UBE3A: variants seen among roughly 807,000 people sequenced by gnomAD.
UBE3A encodes ubiquitin-protein ligase E3A.
Under a neutral mutation model 83.4 loss-of-function variants are expected in UBE3A, and 6 were observed. The observed-to-expected ratio is 0.07, with a 90% CI of 0.04 to 0.14. The LOEUF is 0.14. Among genes scored for constraint, UBE3A ranks in the 10% least tolerant of loss-of-function variants. UBE3A has a pLI of 1.00. For missense variants in UBE3A, 456 were observed against 1,036.1 expected (o/e 0.44, Z 7.69); for synonymous variants, 337 against 355.4 (o/e 0.95, Z 0.58).
At position 25,342,414 on chromosome 15, in the gene UBE3A, A is replaced by G. The variant is rs375123198; in HGVS notation, c.2355-2186T>C. 4.6e-5 allele frequency among the ~76,000 whole-genome samples: 7 copies of G among 152,198 alleles called. No individual in the cohort carries two copies. In the South Asian group the frequency reaches 6.2e-4, roughly 14 times the overall value. On this transcript the variant is annotated intron_variant, in intron 11 of 12. Coordinates refer to ENST00000648336, the MANE Select transcript of UBE3A (RefSeq NM_130839.5). Reference sequence around the variant, plus strand: ...AGCTGTTTCTTTGGACTTTTAAACGAAACCTTTAAAAATTTTATACAATGA... The same window carrying G: ...AGCTGTTTCTTTGGACTTTTAAACGGAACCTTTAAAAATTTTATACAATGA...
intron 1 of UBE3A, among the ~76,000 whole-genome samples, chr15:25,436,588 T>C (rs544888368): frequency 8.5e-5 from 13 of 152,190 alleles, no homozygotes; most frequent in African/African-American, 2.9e-4. Flanking sequence ...ATGATCGAAA[T>C]AGAAATTATC....
At chr15:25,340,032 G>T (rs539822777) in intron 12 of UBE3A, 53 bp downstream of exon 12, 2 of 1,608,338 alleles carry the variant, frequency 1.2e-6, no homozygotes, top group Non-Finnish European at 1.7e-6. Context: ...TGTATGTGAC[G>T]AGGAATGCAA....
At chr15:25,339,807 G>C in intron 12 of UBE3A, 1 of 455,872 alleles carries the variant, frequency 2.2e-6, no homozygotes, top group Admixed American at 3.4e-5. Context: ...ATGTTATATG[G>C]CTTTCAATTA....
At chr15:25,350,133 C>T (rs560480076) in intron 11 of UBE3A, among the ~76,000 whole-genome samples, 1 of 152,214 alleles carries the variant, frequency 6.6e-6, no homozygotes, top group African/African-American at 2.4e-5. Context: ...ATTAGCTGCA[C>T]ACCTGTAGTA....
intron 2 of UBE3A, chr15:25,409,456 C>A: frequency 5.1e-6 from 1 of 196,000 alleles, no homozygotes; most frequent in Non-Finnish European, 1.0e-5. Context: ...GCATTTTGGT[C>A]AATAGTACCT....
chr15:25,383,823 G>A (rs1484846508), intron 4 of UBE3A, among the ~76,000 whole-genome samples: 3 of 152,080 alleles, frequency 2.0e-5, no homozygotes, highest in Non-Finnish European at 4.4e-5. Context: ...TCAACATACT[G>A]TTAGACATCC....
intron 6 of UBE3A, among the ~76,000 whole-genome samples, chr15:25,369,804 G>C (rs2080001517): frequency 6.6e-6 from 1 of 152,100 alleles, no homozygotes; most frequent in African/African-American, 2.4e-5. Flanking sequence ...TCTTGTGGAG[G>C]AAAGAAAAGG....
intron 1 of UBE3A, among the ~76,000 whole-genome samples, chr15:25,432,642 A>G (rs1875945353): frequency 6.6e-6 from 1 of 152,202 alleles, no homozygotes; most frequent in Admixed American, 6.5e-5. Context: ...TGGTTTCTAT[A>G]ACTAAAGTCT....
intron 1 of UBE3A, among the ~76,000 whole-genome samples, chr15:25,430,444 T>A (rs1359929206): frequency 6.7e-6 from 1 of 148,656 alleles, no homozygotes; most frequent in Non-Finnish European, 1.5e-5. Context: ...AAGAGAGAGA[T>A]TAGCCCCAGT....
At chr15:25,353,174 G>A (rs561283940) in intron 11 of UBE3A, among the ~76,000 whole-genome samples, 1 of 152,178 alleles carries the variant, frequency 6.6e-6, no homozygotes, top group African/African-American at 2.4e-5. Context: ...AATCACCTTT[G>A]AAACTCAGAA....
At chr15:25,396,510 C>T (rs2085611357) in intron 4 of UBE3A, among the ~76,000 whole-genome samples, 1 of 152,144 alleles carries the variant, frequency 6.6e-6, no homozygotes, top group African/African-American at 2.4e-5. Context: ...GTAGTCCCAG[C>T]TACTCAGGAG....
At chr15:25,346,233 C>T (rs930239696) in intron 11 of UBE3A, 1 of 152,376 alleles carries the variant, frequency 6.6e-6, no homozygotes, top group Non-Finnish European at 1.5e-5. Flanking sequence ...CCCAAACACA[C>T]TCTGCGCAGC....
intron 4 of UBE3A, among the ~76,000 whole-genome samples, chr15:25,388,168 A>G (rs2083534657): frequency 6.6e-6 from 1 of 152,168 alleles, no homozygotes; most frequent in African/African-American, 2.4e-5. Flanking sequence ...AGAAAAGAAA[A>G]CTACAGACCC....
intron 1 of UBE3A, among the ~76,000 whole-genome samples, chr15:25,429,541 A>G (rs1418491401): frequency 6.6e-6 from 1 of 152,184 alleles, no homozygotes; most frequent in Non-Finnish European, 1.5e-5. Flanking sequence ...AAATTACAAA[A>G]GATATCAGAA....
intron 1 of UBE3A, among the ~76,000 whole-genome samples, chr15:25,416,171 A>T (rs1261865830): frequency 6.6e-6 from 1 of 152,182 alleles, no homozygotes; most frequent in Non-Finnish European, 1.5e-5. Context: ...AAGTATACCA[A>T]ACAGAAGTAA....
rs1389335903 is a variant in UBE3A, at chr15:25,337,092, C to T, written c.*2045G>A. On this transcript the variant is annotated 3_prime_UTR_variant, in exon 13 of 13. Transcript: ENST00000648336. Reference sequence around the variant, plus strand: ...CTAAAATTTTAAGGGTAGGTTCATTCTGACTCTGTTAAAAGTCTACTTGAT... The same window carrying T: ...CTAAAATTTTAAGGGTAGGTTCATTTTGACTCTGTTAAAAGTCTACTTGAT... 1.3e-5 allele frequency: 2 copies of T among 152,098 alleles called. No homozygotes were observed. Among genetic ancestry groups the T allele is most frequent in the Non-Finnish European group, 2.9e-5 (2 of 67,998 alleles). The allele number at this position is 152,098 out of a possible 1,614,324, so 9.4% of individuals were successfully genotyped here.
intron 5 of UBE3A, among the ~76,000 whole-genome samples, chr15:25,372,143 A>G (rs183686799): frequency 6.3e-4 from 96 of 152,284 alleles, no homozygotes; most frequent in Non-Finnish European, 4.4e-4. Context: ...ATATGAACCA[A>G]TATGTCATGT....
Position 25,406,765 on chromosome 15 carries a change from A to G in UBE3A, c.21-1263T>C, listed in dbSNP as rs555046839. On this transcript the variant is annotated intron_variant, in intron 3 of 12. Coordinates refer to ENST00000648336, the MANE Select transcript of UBE3A (RefSeq NM_130839.5). ...AATTTCTTAGCTAAAAACAAAAACA[A>G]AAACAAAAAACAACCCCTCACTTCT... Among the ~76,000 whole-genome samples, 381 of 151,846 alleles carry G rather than the reference A, an allele frequency of 2.5e-3. 1 individual carries two copies. The highest frequency in any genetic ancestry group is 9.0e-3 in the African/African-American group (373 of 41,424).
chr15:25,355,507 ATTT>A (rs902039457), intron 9 of UBE3A, among the ~76,000 whole-genome samples: 11 of 152,298 alleles, frequency 7.2e-5, no homozygotes, highest in Admixed American at 6.5e-4. Flanking sequence ...TCAGAAATGT[ATTT>A]TTATCACAAA....
Sources: allele counts gnomAD v4.1 joint callset (sites outside exome capture counted in the v4.1 genomes callset), GRCh38; gene constraint gnomAD v4.1.1; transcripts MANE v1.5; gene names NCBI Gene and HGNC (gene_info 2026-07-23, HGNC 2026-07-21).